The following FAM171A1 variants were observed in gnomAD, a reference collection of about 807,000 sequenced individuals.
The protein encoded by FAM171A1 is family with sequence similarity 171 member A1.
Under a neutral mutation model 74.9 loss-of-function variants are expected in FAM171A1, and 23 were observed. The observed-to-expected ratio is 0.31, with a 90% CI of 0.22 to 0.44. The LOEUF is 0.44. Among genes scored for constraint, FAM171A1 ranks in the 20% least tolerant of loss-of-function variants. The probability of loss-of-function intolerance (pLI) is 1.00; values close to 1 mark genes in which losing one functional copy is unlikely to be tolerated. For synonymous variants in FAM171A1, 527 were observed against 505.7 expected (o/e 1.04, Z -0.57); for missense variants, 1,162 against 1,159.2 (o/e 1.00, Z -0.03).
At chr10:15,327,484 T>C (rs532743764) in intron 1 of FAM171A1, among the ~76,000 whole-genome samples, 6 of 152,146 alleles carry the variant, frequency 3.9e-5, no homozygotes, top group African/African-American at 1.2e-4. Flanking sequence ...ACCCCATCTC[T>C]ACAAAAAAAC....
chr10:15,330,711 TTC>T (rs66536763), intron 1 of FAM171A1, among the ~76,000 whole-genome samples: 31,720 of 97,320 alleles, frequency 0.33, 4,959 homozygotes, highest in East Asian at 0.53. Flanking sequence ...TTTCTTCTTC[TTC>T]TTTTTTTTTT....
At chr10:15,220,125 T>G (rs1422650468) in intron 6 of FAM171A1, among the ~76,000 whole-genome samples, 1 of 152,200 alleles carries the variant, frequency 6.6e-6, no homozygotes, top group Non-Finnish European at 1.5e-5. Flanking sequence ...CATTTCGACC[T>G]AGCTAAGTCA....
Position 15,322,495 on chromosome 10 carries a change from G to C in FAM171A1, c.98-38390C>G, listed in dbSNP as rs1249592479. 3.3e-5 allele frequency among the ~76,000 whole-genome samples: 5 copies of C among 152,350 alleles called. No homozygotes were observed. The East Asian group carries it at 9.6e-4, about 29-fold the overall frequency. On this transcript the variant is annotated intron_variant, in intron 1 of 7. Transcript: ENST00000378116. Reference sequence around the variant, plus strand: ...TGAACTGTAGCAGCAGCTAGGTGGAGTTAGGGCTGATTATCTCTAAGGTAC... The same window carrying C: ...TGAACTGTAGCAGCAGCTAGGTGGACTTAGGGCTGATTATCTCTAAGGTAC...
intron 1 of FAM171A1, among the ~76,000 whole-genome samples, chr10:15,337,501 G>C (rs1419389227): frequency 1.3e-5 from 2 of 150,884 alleles, no homozygotes; most frequent in African/African-American, 4.8e-5. Context: ...ACTTTAATAA[G>C]CAGTAGGGGC....
At position 15,254,797 on chromosome 10, in the gene FAM171A1, C is replaced by G. The variant is rs146197743; in HGVS notation, c.501G>C (p.Ala167=). ...AAGGGGAGCTGGCGGCCGTGAGAAA[C>G]GCGGTCAGGTCACTGTAGCTGGTGT... ...PENTSYSDLT[A]FLTAASSPSE... Residue 167 remains alanine, a synonymous_variant, in exon 4 of 8, where the codon GCG becomes GCC. Coordinates refer to ENST00000378116, the MANE Select transcript of FAM171A1 (RefSeq NM_001010924.2). 2.5e-6 allele frequency: 4 copies of G among 1,614,202 alleles called. No individual in the cohort carries two copies. The highest frequency in any genetic ancestry group is 3.4e-6 in the Non-Finnish European group (4 of 1,180,024).
At chr10:15,369,382 G>C (rs1448956561) in intron 1 of FAM171A1, among the ~76,000 whole-genome samples, 3 of 151,974 alleles carry the variant, frequency 2.0e-5, no homozygotes, top group Non-Finnish European at 4.4e-5. Context: ...TAAAATAGCT[G>C]ATTCAAAAAA....
intron 4 of FAM171A1, 53 bp downstream of exon 4, chr10:15,254,668 G>T: frequency 6.3e-7 from 1 of 1,580,706 alleles, no homozygotes; most frequent in South Asian, 1.1e-5. Context: ...AAATCCACAT[G>T]TAAAGACTAA....
chr10:15,263,848 C>CATCCATCTATCT (rs1169085909), intron 3 of FAM171A1, among the ~76,000 whole-genome samples: 8 of 143,872 alleles, frequency 5.6e-5, no homozygotes, highest in African/African-American at 2.1e-4. Flanking sequence ...ACATTTATCT[C>CATCCATCTATCT]ATCTATCTAT....
chr10:15,301,362 A>ATTT (rs71390027), intron 1 of FAM171A1, among the ~76,000 whole-genome samples: 24 of 141,560 alleles, frequency 1.7e-4, no homozygotes, highest in East Asian at 1.4e-3. Flanking sequence ...ATATATATAT[A>ATTT]TTTTTTTTTT....
In FAM171A1 at chr10:15,283,944, T is replaced by C; in HGVS notation, c.259A>G (p.Ile87Val). The C allele has an allele frequency of 6.2e-7, 1 of 1,614,098 alleles. No individual in the cohort carries two copies. The highest frequency in any genetic ancestry group is 8.5e-7 in the Non-Finnish European group (1 of 1,180,012). ...KFQYKLGSQL[I>V]VTASKHAYVP... Reference sequence around the variant, plus strand: ...TAGGCATGCTTCGAGGCGGTGACAATCAACTGACTGCCCAGCTTATACTGG... The same window carrying C: ...TAGGCATGCTTCGAGGCGGTGACAACCAACTGACTGCCCAGCTTATACTGG... Residue 87 changes from isoleucine to valine, a missense_variant, in exon 2 of 8, where the codon ATT (isoleucine) becomes GTT (valine). By Grantham distance (29) the Ile-to-Val change is conservative. Transcript: ENST00000378116.
chr10:15,278,407 C>G (rs1471980612), intron 2 of FAM171A1, among the ~76,000 whole-genome samples: 1 of 152,128 alleles, frequency 6.6e-6, no homozygotes, highest in Non-Finnish European at 1.5e-5. Flanking sequence ...CGTATAAACC[C>G]AAGAGAACCG....
At chr10:15,321,924 G>A (rs1835491521) in intron 1 of FAM171A1, among the ~76,000 whole-genome samples, 1 of 152,208 alleles carries the variant, frequency 6.6e-6, no homozygotes, top group African/African-American at 2.4e-5. Flanking sequence ...TATTTGTCAT[G>A]TAGTTGAGAA....
intron 2 of FAM171A1, among the ~76,000 whole-genome samples, chr10:15,279,156 G>A (rs1834934232): frequency 1.3e-5 from 2 of 152,266 alleles, no homozygotes; most frequent in South Asian, 4.1e-4. Flanking sequence ...TCCCCTGAGA[G>A]GTGTGTGACC....
At chr10:15,368,924 G>C (rs1457051719) in intron 1 of FAM171A1, among the ~76,000 whole-genome samples, 1 of 152,150 alleles carries the variant, frequency 6.6e-6, no homozygotes, top group Non-Finnish European at 1.5e-5. Flanking sequence ...ATGCCAGGTA[G>C]TGAGACCTGA....
intron 1 of FAM171A1, among the ~76,000 whole-genome samples, chr10:15,328,731 T>C (rs1345155376): frequency 6.6e-6 from 1 of 152,176 alleles, no homozygotes; most frequent in Non-Finnish European, 1.5e-5. Flanking sequence ...CTTGGGGATC[T>C]GGCAACCTCA....
At chr10:15,280,714 A>AT (rs977324250) in intron 2 of FAM171A1, among the ~76,000 whole-genome samples, 2 of 152,232 alleles carry the variant, frequency 1.3e-5, no homozygotes, top group Non-Finnish European at 2.9e-5. Flanking sequence ...GAAAGAAGGC[A>AT]TTTTTTAGTT....
intron 3 of FAM171A1, 29 bp from the exon 4 acceptor site, chr10:15,254,908 C>T: frequency 1.3e-6 from 2 of 1,592,232 alleles, no homozygotes; most frequent in South Asian, 1.1e-5. Flanking sequence ...GAGTTATCTC[C>T]CCCAGGAGCA....
chr10:15,273,088 T>C (rs537955990), intron 3 of FAM171A1, among the ~76,000 whole-genome samples: 1 of 152,020 alleles, frequency 6.6e-6, no homozygotes, highest in Admixed American at 6.5e-5. Flanking sequence ...CTTCAAAAAA[T>C]CAATGAATCC....
intron 1 of FAM171A1, among the ~76,000 whole-genome samples, chr10:15,352,374 A>G (rs1835890167): frequency 6.6e-6 from 1 of 152,228 alleles, no homozygotes; most frequent in South Asian, 2.1e-4. Context: ...TAAGAATGTG[A>G]AACAGGAATG....
Sources: gnomAD v4.1 joint callset for allele counts (sites outside exome capture counted in the v4.1 genomes callset) on GRCh38, gnomAD v4.1.1 for gene constraint, MANE v1.5 for transcripts, NCBI Gene and HGNC (gene_info 2026-07-23, HGNC 2026-07-21) for gene names.